Variants in PDE7A observed in about 807,000 individuals in gnomAD.
The protein encoded by PDE7A is phosphodiesterase 7A.
In PDE7A, 39 loss-of-function variants were observed where a neutral mutation model predicts 64.3. The ratio of observed to expected loss-of-function variants is 0.61; its 90% CI spans 0.47 to 0.79. The LOEUF is 0.79. Among genes scored for constraint, PDE7A ranks in the 30% least tolerant of loss-of-function variants. The probability of loss-of-function intolerance (pLI) is 0.00; values close to 1 mark genes in which losing one functional copy is unlikely to be tolerated. For missense variants in PDE7A, 470 were observed against 582.8 expected (o/e 0.81, Z 1.99); for synonymous variants, 203 against 206.8 (o/e 0.98, Z 0.16).
intron 1 of PDE7A, among the ~76,000 whole-genome samples, chr8:65,824,196 C>T (rs570692233): frequency 3.9e-5 from 6 of 152,234 alleles, no homozygotes; most frequent in Admixed American, 3.3e-4. Context: ...ATATTTCAAA[C>T]TTTTTAATTA....
At chr8:65,720,129 T>C (rs1481627386) in intron 12 of PDE7A, among the ~76,000 whole-genome samples, 1 of 152,342 alleles carries the variant, frequency 6.6e-6, no homozygotes, top group East Asian at 1.9e-4. Context: ...AAACAATTCA[T>C]ATAATCTCCC....
chr8:65,763,135 A>C (rs1808596156), intron 3 of PDE7A, among the ~76,000 whole-genome samples: 1 of 152,092 alleles, frequency 6.6e-6, no homozygotes, highest in African/African-American at 2.4e-5. Context: ...TGTACAACCA[A>C]TATTCCCTCC....
chr8:65,756,771 T>TC lies in PDE7A; in HGVS notation c.284-8969dup, dbSNP rs546119389. ...TCCTCCGGGGTGGTTTATATCAAAT[T>TC]CTTTTTTTTTCCTGTGGGCTATATT... On this transcript the variant is annotated intron_variant, in intron 3 of 12. Transcript: ENST00000401827. 6.6e-5 allele frequency among the ~76,000 whole-genome samples: 10 copies of TC among 151,996 alleles called. No individual in the cohort carries two copies. The East Asian group carries it at 1.9e-3, about 29-fold the overall frequency.
intron 3 of PDE7A, among the ~76,000 whole-genome samples, chr8:65,762,049 C>G (rs1006993874): frequency 3.9e-5 from 6 of 152,212 alleles, no homozygotes; most frequent in Admixed American, 3.9e-4. Flanking sequence ...GCCACTGTAT[C>G]TGCCACCTTA....
chr8:65,723,554 G>A lies in PDE7A; in HGVS notation c.1230C>T (p.Ala410=). 4.4e-6 allele frequency: 7 copies of A among 1,575,940 alleles called. 1 individual carries two copies. The South Asian group carries it at 7.3e-5, about 16-fold the overall frequency. Residue 410 remains alanine, a synonymous_variant, in exon 12 of 13, where the codon GCC becomes GCT. Coordinates refer to ENST00000401827, the MANE Select transcript of PDE7A (RefSeq NM_001242318.3). ...ATGTATAGTTACCAATCTGGATGTT[G>A]GCAATAGATTCAGTGTGACGATCGC... is the stretch of plus-strand genomic sequence containing the variant. ...PLCDRHTESI[A]NIQIGFMTYL... is the part of the protein sequence containing the mutation.
chr8:65,754,695 A>G (rs1447583980), intron 3 of PDE7A, among the ~76,000 whole-genome samples: 3 of 148,448 alleles, frequency 2.0e-5, no homozygotes, highest in East Asian at 2.2e-4. Flanking sequence ...GGCTGGGCAC[A>G]GTGGCTCACG....
chr8:65,785,289 C>CT lies in PDE7A; in HGVS notation c.139-2447dup, dbSNP rs1809521509. Among the ~76,000 whole-genome samples the CT allele has an allele frequency of 9.2e-5, 14 of 152,200 alleles. 1 individual carries two copies. The South Asian group carries it at 2.9e-3, about 32-fold the overall frequency. The stretch of plus-strand genomic sequence containing the variant: ...GGGCTTTTCAATGTTTATCTTTGCA[C>CT]TTTTTGAGTCTTGCAGTGTGTGTAA... On this transcript the variant is annotated intron_variant, in intron 1 of 12. Transcript: ENST00000401827.
At chr8:65,839,090 T>A (rs1368758909) in intron 1 of PDE7A, among the ~76,000 whole-genome samples, 1 of 152,172 alleles carries the variant, frequency 6.6e-6, no homozygotes, top group African/African-American at 2.4e-5. Context: ...ATTCAACAAA[T>A]ATTTATTAAG....
At chr8:65,838,952 T>C (rs1811012796) in intron 1 of PDE7A, among the ~76,000 whole-genome samples, 1 of 152,244 alleles carries the variant, frequency 6.6e-6, no homozygotes, top group Admixed American at 6.5e-5. Flanking sequence ...GGAATCGTTA[T>C]GGTCTGCAGT....
At position 65,717,227 on chromosome 8, in the gene PDE7A, TTTGA is replaced by T. The variant is rs1806177086; in HGVS notation, c.*2059_*2062del. 6.6e-6 allele frequency among the ~76,000 whole-genome samples: 1 copy of T among 152,214 alleles called. No homozygotes were observed. Among genetic ancestry groups the T allele is most frequent in the African/African-American group, 2.4e-5 (1 of 41,444 alleles). On this transcript the variant is annotated 3_prime_UTR_variant, in exon 13 of 13. Coordinates refer to ENST00000401827, the MANE Select transcript of PDE7A (RefSeq NM_001242318.3). Reference sequence around the variant, plus strand: ...TCTGTACAAATAATATGTTAATGTGTTTGATTTAGAAGTTTGCACCATATCCCTT... The same window carrying T: ...TCTGTACAAATAATATGTTAATGTGTTTTAGAAGTTTGCACCATATCCCTT...
rs985847155 is a variant in PDE7A at position 65,790,381 on chromosome 8, C to T, written c.139-7538G>A. ...GGCTGGATGGGCAGTCAGGCCACCA[C>T]TGCAGAGGTCCCAGAGAAAGGTGAA... On this transcript the variant is annotated intron_variant, in intron 1 of 12. Coordinates refer to ENST00000401827, the MANE Select transcript of PDE7A (RefSeq NM_001242318.3). Among the ~76,000 whole-genome samples, 7 of 152,174 alleles carry T rather than the reference C, an allele frequency of 4.6e-5. No individual in the cohort carries two copies. The East Asian group carries it at 1.3e-3, about 29-fold the overall frequency.
intron 4 of PDE7A, among the ~76,000 whole-genome samples, chr8:65,746,606 CTT>C (rs1371723218): frequency 1.3e-5 from 2 of 152,048 alleles, no homozygotes; most frequent in Non-Finnish European, 1.5e-5. Flanking sequence ...TAGAAAAAAA[CTT>C]ATATTTTATA....
chr8:65,804,301 C>T (rs1187831747), intron 1 of PDE7A, among the ~76,000 whole-genome samples: 1 of 152,190 alleles, frequency 6.6e-6, no homozygotes, highest in African/African-American at 2.4e-5. Flanking sequence ...ATTTCCTGAA[C>T]ATGGCTGGGG....
chr8:65,720,787 T>C (rs957754010), intron 12 of PDE7A, among the ~76,000 whole-genome samples: 6 of 152,218 alleles, frequency 3.9e-5, no homozygotes, highest in African/African-American at 1.4e-4. Context: ...AGTGTCATTA[T>C]AGTCAAAGCA....
chr8:65,719,309 T>C lies in PDE7A; in HGVS notation c.1430A>G (p.Gln477Arg), dbSNP rs779945757. 3 of 1,613,752 alleles carry C rather than the reference T, an allele frequency of 1.9e-6. No homozygotes were observed. The highest frequency in any genetic ancestry group is 2.5e-6 in the Non-Finnish European group (3 of 1,179,612). Reference protein sequence around the residue: ...AFELNSQLLPQENRLS With the variant: ...AFELNSQLLPRENRLS ...TGGGGGTTATGATAACCGATTTTCC[T>C]GAGGTAATAACTGTGAGTTCAACTC... Residue 477 changes from glutamine (Q) to arginine (R), a missense_variant, in exon 13 of 13, where the codon CAG becomes CGG. Physicochemically the swap from Gln to Arg is conservative, Grantham distance 43. Coordinates refer to ENST00000401827, the MANE Select transcript of PDE7A (RefSeq NM_001242318.3).
At chr8:65,841,290 T>A in intron 1 of PDE7A, 81 bp downstream of exon 1, 1 of 1,357,826 alleles carries the variant, frequency 7.4e-7, no homozygotes, top group Non-Finnish European at 9.6e-7. Context: ...GGGCTGGGGG[T>A]TGTAGAGGAG....
chr8:65,722,378 A>C (rs1028398722), intron 12 of PDE7A: 1 of 152,280 alleles, frequency 6.6e-6, no homozygotes, highest in Non-Finnish European at 1.5e-5. Flanking sequence ...TCACAATGTA[A>C]GAATTACGTT....
At position 65,739,882 on chromosome 8, in the gene PDE7A, G is replaced by T. The variant is rs115606336; in HGVS notation, c.500-285C>A. 4.8e-3 allele frequency among the ~76,000 whole-genome samples: 738 copies of T among 152,184 alleles called. 3 individuals are homozygous for T. The highest frequency in any genetic ancestry group is 0.017 in the African/African-American group (696 of 41,514). On this transcript the variant is annotated intron_variant, in intron 5 of 12. Coordinates refer to ENST00000401827, the MANE Select transcript of PDE7A (RefSeq NM_001242318.3). ...TTTTTTAAAGACACCAAAATAATGA[G>T]AATAGACAATAGAAAACTTTAAAAA...
chr8:65,796,319 T>C (rs11784267), intron 1 of PDE7A, among the ~76,000 whole-genome samples: 17,582 of 151,602 alleles, frequency 0.12, 1,046 homozygotes, highest in Middle Eastern at 0.14. Context: ...ACTCCAAACA[T>C]AAAAAAACAC....
Sources: gnomAD v4.1 joint callset for allele counts (sites outside exome capture counted in the v4.1 genomes callset) on GRCh38, gnomAD v4.1.1 for gene constraint, MANE v1.5 for transcripts, NCBI Gene and HGNC (gene_info 2026-07-23, HGNC 2026-07-21) for gene names.